The following ITPR1 variants were observed in gnomAD, a reference collection of about 807,000 sequenced individuals.
ITPR1 encodes the protein inositol 1,4,5-trisphosphate-gated calcium channel ITPR1.
ITPR1 carries 96 observed loss-of-function variants against 318.4 expected under a neutral mutation model. The ratio of observed to expected loss-of-function variants is 0.30; its 90% confidence interval spans 0.26 to 0.36. ITPR1 has a LOEUF of 0.36. Among genes scored for constraint, ITPR1 ranks in the 10% least tolerant of loss-of-function variants. ITPR1 has a pLI of 1.00. For missense variants in ITPR1, 2,440 were observed against 3,460.2 expected, an observed-to-expected ratio of 0.71 and a Z score of 7.40; for synonymous variants, 1,312 against 1,289.9, an observed-to-expected ratio of 1.02 and a Z score of -0.37.
chr3:4,710,527 C>G lies in ITPR1; in HGVS notation c.4991+54C>G. On this transcript the variant is annotated intron_variant, in intron 38 of 61. Coordinates refer to ENST00000649015, the MANE Select transcript of ITPR1 (RefSeq NM_001378452.1). This position sits in a 1 kb window ranked among gnomAD's most constrained non-coding sequence, Gnocchi z 4.2. The stretch of plus-strand genomic sequence containing the variant: ...ATTTGCCAGAACCTTGATGACCTCA[C>G]AAAGCTTTTGTTCCCGAAGAAGGAG... The G allele has an allele frequency of 6.6e-7, 1 of 1,513,044 alleles. No individual in the cohort carries two copies. The highest frequency in any genetic ancestry group is 8.9e-7 in the Non-Finnish European group (1 of 1,117,764). The allele number at this position is 1,513,044 out of a possible 1,614,324, so 93.7% of individuals were successfully genotyped here.
chr3:4,637,852 A>G (rs549310674), intron 5 of ITPR1, among the ~76,000 whole-genome samples: 15 of 152,360 alleles, frequency 9.8e-5, no homozygotes, highest in African/African-American at 3.6e-4. Context: ...AAGGTTCTTG[A>G]CCTAGCCAAC....
intron 33 of ITPR1, among the ~76,000 whole-genome samples, chr3:4,694,136 A>T (rs2094520723): frequency 6.6e-6 from 1 of 152,012 alleles, no homozygotes; most frequent in African/African-American, 2.4e-5. Context: ...CTTATTACAG[A>T]AATAATGGCC....
At chr3:4,706,770 A>T (rs995502770) in intron 37 of ITPR1, among the ~76,000 whole-genome samples, 2 of 152,248 alleles carry the variant, frequency 1.3e-5, no homozygotes, top group East Asian at 3.8e-4. Flanking sequence ...AATGAGCCAG[A>T]TGGAAACAAA....
At chr3:4,566,833 C>G (rs1200130544) in intron 4 of ITPR1, among the ~76,000 whole-genome samples, 1 of 152,190 alleles carries the variant, frequency 6.6e-6, no homozygotes, top group East Asian at 1.9e-4. Flanking sequence ...CCAGTTTTCC[C>G]TCTCTTAATT....
At chr3:4,783,524 G>C (rs2046970772) in intron 50 of ITPR1, among the ~76,000 whole-genome samples, 1 of 151,880 alleles carries the variant, frequency 6.6e-6, no homozygotes, top group Non-Finnish European at 1.5e-5. Context: ...ATTCCGAATG[G>C]AGGCTCCCTA....
At chr3:4,740,873 G>T (rs940937767) in intron 44 of ITPR1, among the ~76,000 whole-genome samples, 7 of 152,168 alleles carry the variant, frequency 4.6e-5, no homozygotes, top group African/African-American at 1.7e-4. Flanking sequence ...AGAACTTCCG[G>T]CTTTCTTTCT....
intron 10 of ITPR1, among the ~76,000 whole-genome samples, chr3:4,646,700 C>G (rs900129324): frequency 1.1e-4 from 16 of 152,144 alleles, no homozygotes; most frequent in Admixed American, 5.9e-4. Flanking sequence ...TCTAGAATTG[C>G]AGGACAAAGA....
At chr3:4,573,210 G>A (rs1396828837) in intron 4 of ITPR1, among the ~76,000 whole-genome samples, 1 of 152,156 alleles carries the variant, frequency 6.6e-6, no homozygotes, top group African/African-American at 2.4e-5. Flanking sequence ...CGCCAACAGT[G>A]TACAAGGGTT....
chr3:4,644,007 C>T, intron 7 of ITPR1, 129 bp from the exon 8 acceptor site: 1 of 660,764 alleles, frequency 1.5e-6, no homozygotes, highest in Non-Finnish European at 2.8e-6. Context: ...TGTGCTACAT[C>T]TTTATACTTG....
At chr3:4,804,955 G>C (rs1314276280) in intron 54 of ITPR1, among the ~76,000 whole-genome samples, 1 of 152,072 alleles carries the variant, frequency 6.6e-6, no homozygotes, top group African/African-American at 2.4e-5. Flanking sequence ...CATCCAGAGA[G>C]GTCCCTCTCT....
At chr3:4,819,185 A>G (rs1003685083) in intron 60 of ITPR1, among the ~76,000 whole-genome samples, 1 of 152,204 alleles carries the variant, frequency 6.6e-6, no homozygotes, top group Non-Finnish European at 1.5e-5. Context: ...ACAGGCCTAG[A>G]GGCAGCCAGG....
intron 33 of ITPR1, among the ~76,000 whole-genome samples, chr3:4,695,688 C>T (rs2094546545): frequency 6.6e-6 from 1 of 152,186 alleles, no homozygotes; most frequent in African/African-American, 2.4e-5. Context: ...TGTATCATTC[C>T]ATGCCTTTTT....
chr3:4,786,668 C>T (rs1267476778), intron 51 of ITPR1, among the ~76,000 whole-genome samples: 2 of 152,176 alleles, frequency 1.3e-5, no homozygotes, highest in Non-Finnish European at 2.9e-5. Flanking sequence ...ATCAAGTGCG[C>T]TAGAATTTGA....
At chr3:4,828,306 T>A (rs1462601978) in intron 60 of ITPR1, among the ~76,000 whole-genome samples, 1 of 152,216 alleles carries the variant, frequency 6.6e-6, no homozygotes, top group Non-Finnish European at 1.5e-5. Flanking sequence ...AAAATCCTCA[T>A]ACATAGCCAC....
At chr3:4,765,458 G>A (rs545481055) in intron 44 of ITPR1, among the ~76,000 whole-genome samples, 18 of 152,296 alleles carry the variant, frequency 1.2e-4, no homozygotes, top group African/African-American at 4.3e-4. Context: ...GTTCCCTAGG[G>A]CTCTGCTGAA....
chr3:4,637,866 G>T (rs962777796), intron 5 of ITPR1, among the ~76,000 whole-genome samples: 2 of 152,170 alleles, frequency 1.3e-5, no homozygotes, highest in African/African-American at 2.4e-5. Flanking sequence ...AGCCAACTTA[G>T]GTCACCTTTT....
At chr3:4,747,571 G>C (rs2044200377) in intron 44 of ITPR1, among the ~76,000 whole-genome samples, 1 of 152,230 alleles carries the variant, frequency 6.6e-6, no homozygotes, top group Non-Finnish European at 1.5e-5. Flanking sequence ...CTGATAATCA[G>C]AAGGCAGCTC....
At chr3:4,541,201 G>A (rs1189376631) in intron 4 of ITPR1, among the ~76,000 whole-genome samples, 2 of 151,818 alleles carry the variant, frequency 1.3e-5, no homozygotes, top group Non-Finnish European at 2.9e-5. Context: ...TTACGTATTA[G>A]TATTTACTAT....
intron 1 of ITPR1, among the ~76,000 whole-genome samples, 182 bp from the exon 2 acceptor site, chr3:4,494,249 G>A (rs2080376285): frequency 6.6e-6 from 1 of 152,266 alleles, no homozygotes. Context: ...AAATAAGTAA[G>A]CGTAGTTACC....
Sources: allele counts gnomAD v4.1 joint callset (sites outside exome capture counted in the v4.1 genomes callset), GRCh38; gene constraint gnomAD v4.1.1; non-coding constraint Gnocchi (gnomAD v3.1); transcripts MANE v1.5; gene names NCBI Gene and HGNC (gene_info 2026-07-23, HGNC 2026-07-21).